SYTL2: variants seen among roughly 807,000 people sequenced by gnomAD.
SYTL2 encodes the protein synaptotagmin-like protein 2.
A neutral mutation model predicts 198.7 loss-of-function variants in SYTL2; 165 were observed. The observed-to-expected ratio is 0.83, with a 90% confidence interval of 0.73 to 0.94. The LOEUF (loss-of-function observed/expected upper bound fraction) is 0.94, where lower values mean the gene tolerates loss of function less well. Ranked by LOEUF, SYTL2 falls within the 40% of genes least tolerant of loss-of-function variation. The pLI is 0.00. For missense variants in SYTL2, 2,835 were observed against 2,582.8 expected, an observed-to-expected ratio of 1.10 and a Z score of -2.12; for synonymous variants, 966 against 917.7, an observed-to-expected ratio of 1.05 and a Z score of -0.95.
chr11:85,840,959 T>C, the SYTL2 span, among the ~76,000 whole-genome samples: 1 of 152,052 alleles, frequency 6.6e-6, no homozygotes, highest in East Asian at 1.9e-4. Flanking sequence ...AGGTTTAATA[T>C]CCAGCATCTA....
intron 1 of SYTL2, among the ~76,000 whole-genome samples, chr11:85,785,607 A>G (rs2092624113): frequency 6.6e-6 from 1 of 152,216 alleles, no homozygotes; most frequent in African/African-American, 2.4e-5. Context: ...TACAGAAAAT[A>G]TGAGTTGGCT....
chr11:85,806,667 A>G (rs2092962487), intron 1 of SYTL2, among the ~76,000 whole-genome samples: 1 of 152,212 alleles, frequency 6.6e-6, no homozygotes, highest in African/African-American at 2.4e-5. Context: ...TTAGAAAATC[A>G]GGAGGAGGCG....
At chr11:85,832,502 G>C in the SYTL2 span, among the ~76,000 whole-genome samples, 3 of 152,272 alleles carry the variant, frequency 2.0e-5, no homozygotes, top group South Asian at 2.1e-4. Flanking sequence ...TAACTTTACA[G>C]CCAGTGATGA....
chr11:85,710,160 C>T (rs1257447634), intron 13 of SYTL2, among the ~76,000 whole-genome samples: 1 of 152,050 alleles, frequency 6.6e-6, no homozygotes, highest in Non-Finnish European at 1.5e-5. Flanking sequence ...GTGAGAAAAC[C>T]CAGACACTCT....
At chr11:85,718,902 A>G in intron 9 of SYTL2, 59 bp from the exon 10 acceptor site, 1 of 1,596,864 alleles carries the variant, frequency 6.3e-7, no homozygotes, top group Non-Finnish European at 8.5e-7. Context: ...GAAAAGAACA[A>G]TGAGATTGTC....
chr11:85,837,850 T>C, the SYTL2 span, among the ~76,000 whole-genome samples: 1 of 152,206 alleles, frequency 6.6e-6, no homozygotes. Context: ...CTTCTGTAAC[T>C]GGTCTTTTCC....
rs368893691 is a variant in SYTL2, at chr11:85,697,113, C to CA, written c.6369-726dup. On this transcript the variant is annotated intron_variant, in intron 18 of 19. Coordinates refer to ENST00000359152, the MANE Select transcript of SYTL2 (RefSeq NM_206927.4). ...GTCTTAGAATGAGGCTGACTTGAGC[C>CA]AAAAAAATCTTACCAGCTGACATCT... is the stretch of plus-strand genomic sequence containing the variant. Among the ~76,000 whole-genome samples the CA allele has an allele frequency of 1.3e-3, 196 of 151,716 alleles. 1 individual carries two copies. Among genetic ancestry groups the CA allele is most frequent in the African/African-American group, 4.6e-3 (189 of 41,360 alleles).
chr11:85,725,741 C>T lies in SYTL2; in HGVS notation c.3617G>A (p.Arg1206Gln), dbSNP rs749692478. ...DKTVVHPKVK[R>Q]NSLTASLDKL... is the part of the protein sequence containing the mutation. The stretch of plus-strand genomic sequence containing the variant: ...GTCTAGACTAGCAGTCAAAGAGTTC[C>T]GTTTAACCTTTGGATGAACTACTGT... Residue 1206 changes from arginine (R) to glutamine (Q), a missense_variant, in exon 8 of 20, where the codon CGG (arginine) becomes CAG (glutamine). Around this residue, in one of 3 missense-constraint regions of SYTL2, gnomAD observed 2,645 missense variants for 2,381.7 expected, o/e 1.11. Coordinates refer to ENST00000359152, the MANE Select transcript of SYTL2 (RefSeq NM_206927.4). The T allele has an allele frequency of 2.2e-5, 35 of 1,613,946 alleles. No individual in the cohort carries two copies. The highest frequency in any genetic ancestry group is 1.9e-4 in the African/African-American group (14 of 74,898).
intron 7 of SYTL2, among the ~76,000 whole-genome samples, chr11:85,731,910 C>A (rs2089869173): frequency 6.6e-6 from 1 of 152,122 alleles, no homozygotes; most frequent in African/African-American, 2.4e-5. Context: ...CAAGAAAAAA[C>A]AACCCCATTA....
In SYTL2 at chr11:85,727,804, G is replaced by A; in HGVS notation, c.1554C>T (p.Ser518=). 1.9e-6 allele frequency: 3 copies of A among 1,603,852 alleles called. No individual in the cohort carries two copies. The highest frequency in any genetic ancestry group is 2.6e-6 in the Non-Finnish European group (3 of 1,175,270). ...TAAACCAGTCTAGAACTTTAAATATGGAATCATCAGTTGACTTCTTTATCT... is the reference window on the plus strand; with the variant it reads ...TAAACCAGTCTAGAACTTTAAATATAGAATCATCAGTTGACTTCTTTATCT... ...ATEIKKSTDD[S]IFKVLDWFNR... Residue 518 remains serine, a synonymous_variant, in exon 8 of 20, where the codon TCC becomes TCT. Transcript: ENST00000359152.
At chr11:85,799,014 C>G (rs2092845693) in intron 1 of SYTL2, among the ~76,000 whole-genome samples, 1 of 152,222 alleles carries the variant, frequency 6.6e-6, no homozygotes, top group Admixed American at 6.5e-5. Context: ...TATGGACAGG[C>G]AGTTTCACAC....
the SYTL2 span, chr11:85,853,053 T>C: frequency 1.0e-5 from 3 of 300,582 alleles, no homozygotes; most frequent in South Asian, 7.1e-5. Flanking sequence ...GAGGAGCGCC[T>C]CCGCCCGGCC....
intron 1 of SYTL2, among the ~76,000 whole-genome samples, chr11:85,779,255 T>C (rs1307716709): frequency 6.6e-6 from 1 of 152,082 alleles, no homozygotes; most frequent in Admixed American, 6.6e-5. Context: ...AGAAGAGTGT[T>C]CTAACAAGGG....
At chr11:85,809,408 T>C (rs147343595) in intron 1 of SYTL2, among the ~76,000 whole-genome samples, 1 of 152,288 alleles carries the variant, frequency 6.6e-6, no homozygotes, top group East Asian at 1.9e-4. Flanking sequence ...TAACGGAAAC[T>C]CCTGCACCAT....
intron 1 of SYTL2, among the ~76,000 whole-genome samples, chr11:85,763,543 C>T (rs1406031572): frequency 6.6e-6 from 1 of 152,092 alleles, no homozygotes; most frequent in African/African-American, 2.4e-5. Context: ...AGGAGGGGCC[C>T]AGATAACACA....
chr11:85,719,387 C>CA, intron 9 of SYTL2: 1 of 1,015,500 alleles, frequency 9.8e-7, no homozygotes, highest in Non-Finnish European at 1.2e-6. Context: ...GAATACCCGT[C>CA]AGCTGATGGT....
At chr11:85,794,908 T>G (rs1031647230) in intron 1 of SYTL2, among the ~76,000 whole-genome samples, 2 of 151,846 alleles carry the variant, frequency 1.3e-5, no homozygotes, top group Non-Finnish European at 2.9e-5. Flanking sequence ...GAAAAAACAA[T>G]AAAGAGATGG....
intron 1 of SYTL2, among the ~76,000 whole-genome samples, chr11:85,803,573 G>C (rs1025004351): frequency 5.9e-5 from 9 of 152,120 alleles, no homozygotes; most frequent in African/African-American, 2.2e-4. Flanking sequence ...AGGTTTTCTG[G>C]AACAGTCCTA....
chr11:85,734,310 T>C lies in SYTL2; in HGVS notation c.1019A>G (p.Asp340Gly). 1.5e-5 allele frequency: 24 copies of C among 1,614,210 alleles called. No homozygotes were observed. Among genetic ancestry groups the C allele is most frequent in the Non-Finnish European group, 2.0e-5 (24 of 1,180,008 alleles). ...TAGCCCAGGACTCTGTGGAAGCTCA[T>C]CCTTCACTGCAGAGAATCTCACATG... Reference protein sequence around the residue: ...LKHVRFSAVKDELPQSPGLIH... With the variant: ...LKHVRFSAVKGELPQSPGLIH... The change falls in exon 7 of 20, where the codon GAT becomes GGT. Residue 340 changes from aspartate to glycine, a missense_variant. Asp to Gly is a moderately conservative substitution (Grantham distance 94). Transcript: ENST00000359152.
Sources: gnomAD v4.1 joint callset for allele counts (sites outside exome capture counted in the v4.1 genomes callset) on GRCh38, gnomAD v4.1.1 for gene constraint, gnomAD v4.1.1 regional missense constraint, MANE v1.5 for transcripts, NCBI Gene and HGNC (gene_info 2026-07-23, HGNC 2026-07-21) for gene names.